The following MIA2 variants were observed in gnomAD, a reference collection of about 807,000 sequenced individuals.
MIA2 encodes MIA SH3 domain ER export factor 2, also known as melanoma inhibitory activity protein 2.
A neutral mutation model predicts 167.8 loss-of-function variants in MIA2; 127 were observed. The observed-to-expected ratio is 0.76, with a 90% CI of 0.66 to 0.88. MIA2 has a LOEUF of 0.88. Among genes scored for constraint, MIA2 ranks in the 40% least tolerant of loss-of-function variants. The pLI is 0.00. For missense variants in MIA2, 1,690 were observed against 1,624.7 expected, an observed-to-expected ratio of 1.04 and a Z score of -0.69; for synonymous variants, 552 against 541.9, an observed-to-expected ratio of 1.02 and a Z score of -0.26.
chr14:39,279,283 T>C, intron 7 of MIA2, 54 bp from the exon 8 acceptor site: 1 of 1,498,748 alleles, frequency 6.7e-7, no homozygotes, highest in Non-Finnish European at 9.1e-7. Flanking sequence ...AATGAATTGA[T>C]TTACTTGAGA....
chr14:39,285,444 C>G, intron 9 of MIA2, among the ~76,000 whole-genome samples: 1 of 145,400 alleles, frequency 6.9e-6, no homozygotes, highest in Non-Finnish European at 1.5e-5. Context: ...CCACCTTCCT[C>G]CCGGACGGGG....
At position 39,294,921 on chromosome 14, in the gene MIA2, T is replaced by G; in HGVS notation, c.2392-4T>G. 6.2e-7 allele frequency: 1 copy of G among 1,604,546 alleles called. No homozygotes were observed. The highest frequency in any genetic ancestry group is 1.1e-5 in the South Asian group (1 of 90,704). On this transcript the variant is annotated splice_region_variant and splice_polypyrimidine_tract_variant and intron_variant, in intron 12 of 28. Coordinates refer to ENST00000640607, the MANE Select transcript of MIA2 (RefSeq NM_001329214.4). Reference sequence around the variant, plus strand: ...ACAAACTTGACATTTTTTGTTTCACTTAGGCCAAAATGACCTTCAAGATAT... The same window carrying G: ...ACAAACTTGACATTTTTTGTTTCACGTAGGCCAAAATGACCTTCAAGATAT...
intron 25 of MIA2, among the ~76,000 whole-genome samples, chr14:39,336,053 G>T (rs2070328501): frequency 1.3e-5 from 2 of 152,180 alleles, no homozygotes; most frequent in South Asian, 4.1e-4. Context: ...TGTGAATAGT[G>T]TTACGATAAA....
intron 23 of MIA2, among the ~76,000 whole-genome samples, chr14:39,374,009 G>A (rs1057088341): frequency 6.6e-6 from 1 of 152,100 alleles, no homozygotes; most frequent in African/African-American, 2.4e-5. Flanking sequence ...CAAACTCAAG[G>A]TGTGAGACTG....
At chr14:39,265,507 A>G (rs1289786622) in intron 6 of MIA2, 3 of 1,003,056 alleles carry the variant, frequency 3.0e-6, no homozygotes, top group African/African-American at 3.3e-5. Flanking sequence ...TGTTTTTGCT[A>G]TGGGGGGAAC....
chr14:39,386,891 G>A (rs1481392693), exon 24 of MIA2: 2 of 807,362 alleles, frequency 2.5e-6, no homozygotes, highest in Non-Finnish European at 4.3e-6. Flanking sequence ...CCAGGCGCAC[G>A]CTCTCCGCCC....
chr14:39,294,879 G>A (rs748536321), intron 12 of MIA2, 46 bp from the exon 13 acceptor site: 9 of 1,234,434 alleles, frequency 7.3e-6, no homozygotes, highest in African/African-American at 1.5e-5. Flanking sequence ...GATGAGCTAT[G>A]TATTAAATTA....
At chr14:39,291,447 T>C (rs577096302) in intron 10 of MIA2, among the ~76,000 whole-genome samples, 36 of 152,338 alleles carry the variant, frequency 2.4e-4, no homozygotes, top group Middle Eastern at 3.4e-3. Flanking sequence ...AGAAATAAGA[T>C]TCATTTTTAC....
At chr14:39,268,856 G>A (rs1272435032) in intron 6 of MIA2, among the ~76,000 whole-genome samples, 2 of 152,146 alleles carry the variant, frequency 1.3e-5, no homozygotes, top group East Asian at 3.8e-4. Flanking sequence ...AAGGAATCTA[G>A]AAGGACTCCC....
chr14:39,240,572 G>T lies in MIA2; in HGVS notation c.261G>T (p.Glu87Asp), dbSNP rs760685665. ...EDLWAGSKGKEFGYFPRDAVQ... is the reference protein window; with the variant it reads ...EDLWAGSKGKDFGYFPRDAVQ... ...CTTCATTTTGACAGAAAGGAAAGGA[G>T]TTTGGATATTTTCCCAGAGATGCAG... Residue 87 changes from glutamate (E) to aspartate (D), a missense_variant, in exon 3 of 29, where the codon GAG (glutamate) becomes GAT (aspartate). Coordinates refer to ENST00000640607, the MANE Select transcript of MIA2 (RefSeq NM_001329214.4). 9.4e-5 allele frequency: 151 copies of T among 1,610,780 alleles called. No homozygotes were observed. The highest frequency in any genetic ancestry group is 1.2e-4 in the Non-Finnish European group (147 of 1,177,448).
intron 24 of MIA2, among the ~76,000 whole-genome samples, chr14:39,324,005 A>G (rs4899219): frequency 0.93 from 141,597 of 152,298 alleles, 65,920 homozygotes; most frequent in African/African-American, 0.95. Context: ...AGTACCTGTT[A>G]TTTTTCCTTA....
chr14:39,370,647 G>T, intron 23 of MIA2: 1 of 309,760 alleles, frequency 3.2e-6, no homozygotes, highest in Non-Finnish European at 6.6e-6. Context: ...TGCTGCCCGA[G>T]TCTGTCGCAC....
chr14:39,310,602 A>T (rs2064082032), intron 18 of MIA2, among the ~76,000 whole-genome samples: 1 of 152,212 alleles, frequency 6.6e-6, no homozygotes, highest in Non-Finnish European at 1.5e-5. Context: ...CCTTAGGAGC[A>T]GTGATCTAGT....
chr14:39,387,877 GCTGAAGGCTCAGA>G (rs563860445), exon 24 of MIA2: 90 of 152,226 alleles, frequency 5.9e-4, no homozygotes, highest in African/African-American at 2.1e-3. Context: ...ATTATGACTC[GCTGAAGGCTCAGA>G]TTATTATTAG....
rs973469286 is a variant in MIA2, at chr14:39,266,006, C to G, written c.1888-10928C>G. The G allele has an allele frequency of 1.5e-5, 15 of 985,318 alleles. No individual in the cohort carries two copies. In the African/African-American group the frequency reaches 1.9e-4, roughly 13 times the overall value. The allele number at this position is 985,318 out of a possible 1,614,324, so 61.0% of individuals were successfully genotyped here. A position where few individuals can be genotyped will look rare whatever the true frequency, so the allele number is the denominator to read the frequency against. On this transcript the variant is annotated intron_variant, in intron 6 of 28. Coordinates refer to ENST00000640607, the MANE Select transcript of MIA2 (RefSeq NM_001329214.4). Reference sequence around the variant, plus strand: ...CAATCTTGAGTTCTGAAAAGCTAGGCCGCATTTTGGTCCTGAAAAATCACT... The same window carrying G: ...CAATCTTGAGTTCTGAAAAGCTAGGGCGCATTTTGGTCCTGAAAAATCACT...
chr14:39,325,527 C>T (rs1238843607), intron 24 of MIA2, among the ~76,000 whole-genome samples: 7 of 148,632 alleles, frequency 4.7e-5, no homozygotes, highest in Non-Finnish European at 1.5e-5. Flanking sequence ...GCCACCATGC[C>T]CGGCTAATTT....
chr14:39,358,895 C>G (rs2074603211), intron 23 of MIA2, among the ~76,000 whole-genome samples: 1 of 152,186 alleles, frequency 6.6e-6, no homozygotes, highest in Non-Finnish European at 1.5e-5. Flanking sequence ...ATGTTGCTGC[C>G]TGATCGTTCC....
At chr14:39,303,681 A>T (rs1029466988) in intron 16 of MIA2, among the ~76,000 whole-genome samples, 157 bp downstream of exon 16, 1 of 152,098 alleles carries the variant, frequency 6.6e-6, no homozygotes, top group East Asian at 1.9e-4. Context: ...TTTTCCTTTC[A>T]ATTATTAACT....
intron 25 of MIA2, among the ~76,000 whole-genome samples, chr14:39,331,895 C>T (rs1318588809): frequency 1.3e-5 from 2 of 152,124 alleles, no homozygotes; most frequent in African/African-American, 2.4e-5. Flanking sequence ...TTTTTTCCTT[C>T]ATTTCAATGT....
Sources: allele counts gnomAD v4.1 joint callset (sites outside exome capture counted in the v4.1 genomes callset), GRCh38; gene constraint gnomAD v4.1.1; transcripts MANE v1.5; gene names NCBI Gene and HGNC (gene_info 2026-07-23, HGNC 2026-07-21).